Variants in PPP1R1C observed in about 807,000 individuals in gnomAD.
PPP1R1C encodes protein phosphatase 1 regulatory inhibitor subunit 1C, also known as protein phosphatase 1 regulatory subunit 1C.
A neutral mutation model predicts 17.4 loss-of-function variants in PPP1R1C; 15 were observed. The observed-to-expected ratio is 0.86, with a 90% confidence interval of 0.58 to 1.33. The LOEUF is 1.33. PPP1R1C is among the 40% of genes most tolerant of loss of function. The pLI, the probability that PPP1R1C is intolerant of heterozygous loss-of-function variation, is 0.00. For missense variants in PPP1R1C, 143 were observed against 130.0 expected (o/e 1.10, Z -0.48); for synonymous variants, 35 against 43.1 (o/e 0.81, Z 0.73).
At chr2:181,966,188 G>A (rs1684900750) in intron 1 of PPP1R1C, among the ~76,000 whole-genome samples, 1 of 152,108 alleles carries the variant, frequency 6.6e-6, no homozygotes, top group African/African-American at 2.4e-5. Flanking sequence ...TTGTTTATGA[G>A]TTCTAATAGG....
rs944064521 is a variant in PPP1R1C, at chr2:181,976,096, A to T, written n.157+832A>T. Among the ~76,000 whole-genome samples, 1 of 152,136 alleles carries T rather than the reference A, an allele frequency of 6.6e-6. No individual in the cohort carries two copies. The highest frequency in any genetic ancestry group is 1.5e-5 in the Non-Finnish European group (1 of 67,972). On this transcript the variant is annotated intron_variant and non_coding_transcript_variant, in intron 2 of 5. Coordinates refer to the PPP1R1C transcript ENST00000464264. The surrounding 1 kb of genome is among the most constrained non-coding windows in gnomAD (Gnocchi z 4.8). ...CTCATTGTATAACATAGAAAATCAT[A>T]AAGAGAAAATATATAACCTATAAAC...
Position 182,013,293 on chromosome 2 carries a change from C to T in PPP1R1C, c.142+25394C>T, listed in dbSNP as rs185823637. On this transcript the variant is annotated intron_variant, in intron 2 of 4. Transcript: ENST00000682840. ...CATGATTGAAGGATTTTTCACTGTA[C>T]ATACTATTCTAGGGTAAAAGTTTGC... Among the ~76,000 whole-genome samples, 239 of 152,198 alleles carry T rather than the reference C, an allele frequency of 1.6e-3. 1 individual carries two copies. The highest frequency in any genetic ancestry group is 5.6e-3 in the African/African-American group (232 of 41,546).
chr2:181,982,242 C>T (rs1039619821), upstream of PPP1R1C, among the ~76,000 whole-genome samples: 1 of 152,066 alleles, frequency 6.6e-6, no homozygotes, highest in African/African-American at 2.4e-5. Flanking sequence ...AGAAAAATAA[C>T]TCTAAAAACA....
intron 2 of PPP1R1C, among the ~76,000 whole-genome samples, chr2:182,012,881 G>A (rs143186862): frequency 1.4e-4 from 21 of 152,082 alleles, no homozygotes; most frequent in Non-Finnish European, 2.2e-4. Flanking sequence ...TAAGAAACAG[G>A]CAAAGAGAAA....
chr2:182,048,163 C>T (rs1257482289), intron 2 of PPP1R1C, among the ~76,000 whole-genome samples: 1 of 152,124 alleles, frequency 6.6e-6, no homozygotes, highest in Admixed American at 6.6e-5. Flanking sequence ...CTATTCTTAC[C>T]ATTTTCTTCT....
At chr2:182,077,776 A>G (rs1688357013) in intron 4 of PPP1R1C, among the ~76,000 whole-genome samples, 1 of 152,196 alleles carries the variant, frequency 6.6e-6, no homozygotes, top group African/African-American at 2.4e-5. Context: ...GAAGCACTTC[A>G]CACTCAGTGC....
At chr2:182,122,067 T>A (rs369116297), downstream of PPP1R1C, among the ~76,000 whole-genome samples, 1 of 152,202 alleles carries the variant, frequency 6.6e-6, no homozygotes, top group East Asian at 1.9e-4. Flanking sequence ...GTCAGGTGAA[T>A]AAGTTAGGGG....
At chr2:182,123,568 C>T (rs927361545) in intron 5 of PPP1R1C, among the ~76,000 whole-genome samples, 2 of 152,212 alleles carry the variant, frequency 1.3e-5, no homozygotes, top group African/African-American at 4.8e-5. Flanking sequence ...GATGTTATCT[C>T]ATGGTGGTTT....
chr2:182,117,236 T>A lies in PPP1R1C; in HGVS notation c.271T>A (p.Ser91Thr). ...TAAGCATCTGAAAGGCCAGAATGAA[T>A]CAGCATTCCCTGAAGAAGAAGAAGG... ...GVKHLKGQNESAFPEEEEGTN... is the reference protein window; with the variant it reads ...GVKHLKGQNETAFPEEEEGTN... Residue 91 changes from serine to threonine, a missense_variant, in exon 5 of 5, where the codon TCA (serine) becomes ACA (threonine). Physicochemically the swap from Ser to Thr is moderately conservative, Grantham distance 58. Coordinates refer to ENST00000682840, the MANE Select transcript of PPP1R1C (RefSeq NM_001080545.3). 1 of 1,561,462 alleles carries A rather than the reference T, an allele frequency of 6.4e-7. No homozygotes were observed. Among genetic ancestry groups the A allele is most frequent in the Non-Finnish European group, 8.7e-7 (1 of 1,152,370 alleles).
chr2:181,988,738 C>A (rs991305041), intron 2 of PPP1R1C, among the ~76,000 whole-genome samples: 2 of 152,074 alleles, frequency 1.3e-5, no homozygotes, highest in Non-Finnish European at 2.9e-5. Flanking sequence ...AGCGAGTGAT[C>A]TAAGAATACC....
chr2:182,034,495 G>A lies in PPP1R1C; in HGVS notation c.143-26947G>A, dbSNP rs540084353. 2.6e-5 allele frequency among the ~76,000 whole-genome samples: 4 copies of A among 152,192 alleles called. No homozygotes were observed. The East Asian group carries it at 7.7e-4, about 29-fold the overall frequency. On this transcript the variant is annotated intron_variant, in intron 2 of 4. Transcript: ENST00000682840. The stretch of plus-strand genomic sequence containing the variant: ...GAACAAAAAGAAGGTCATTGAGGCT[G>A]GAGAGCAGAGAGGTGGCAGAAAAAG...
chr2:181,980,613 A>G (rs1473699100), intron 2 of PPP1R1C, among the ~76,000 whole-genome samples: 1 of 152,178 alleles, frequency 6.6e-6, no homozygotes, highest in Non-Finnish European at 1.5e-5. Context: ...ATGTCAACTC[A>G]CTGCTATAGC....
At chr2:181,978,846 T>C (rs1685143684) in intron 2 of PPP1R1C, among the ~76,000 whole-genome samples, 1 of 152,084 alleles carries the variant, frequency 6.6e-6, no homozygotes, top group South Asian at 2.1e-4. Context: ...AGAGAGATTG[T>C]TTCTTCCATT....
intron 2 of PPP1R1C, among the ~76,000 whole-genome samples, chr2:182,041,945 C>T (rs1011204939): frequency 2.6e-5 from 4 of 152,018 alleles, no homozygotes; most frequent in African/African-American, 9.7e-5. Context: ...GTGGTTATTT[C>T]GTATATGTGT....
At chr2:181,980,578 A>C (rs1685174021) in intron 2 of PPP1R1C, among the ~76,000 whole-genome samples, 1 of 152,172 alleles carries the variant, frequency 6.6e-6, no homozygotes, top group African/African-American at 2.4e-5. Context: ...TCGGCTCTAC[A>C]AATCTCTGTA....
At chr2:182,016,921 TG>T (rs1226720749) in intron 2 of PPP1R1C, among the ~76,000 whole-genome samples, 4 of 152,218 alleles carry the variant, frequency 2.6e-5, no homozygotes, top group Admixed American at 6.5e-5. Flanking sequence ...CTAATTTGTG[TG>T]ATTCATAGCC....
At chr2:182,104,916 T>C (rs763621946) in intron 4 of PPP1R1C, among the ~76,000 whole-genome samples, 1 of 152,238 alleles carries the variant, frequency 6.6e-6, no homozygotes, top group Non-Finnish European at 1.5e-5. Flanking sequence ...AGACTTTTTA[T>C]TACTGACTCA....
rs577557778 is a variant in PPP1R1C at position 182,128,685 on chromosome 2, G to A, written c.*7-289G>A. On this transcript the variant is annotated intron_variant, in intron 5 of 5. Transcript: ENST00000280295. ...GTATGTATGTAATAAAATGAGCATT[G>A]TAACCAGTTGATTTTTGTCTTTTAA... 6.6e-5 allele frequency among the ~76,000 whole-genome samples: 10 copies of A among 152,236 alleles called. No individual in the cohort carries two copies. In the East Asian group the frequency reaches 1.9e-3, roughly 29 times the overall value.
intron 2 of PPP1R1C, among the ~76,000 whole-genome samples, chr2:182,021,335 T>C (rs1686420432): frequency 1.4e-5 from 2 of 144,982 alleles, no homozygotes; most frequent in African/African-American, 2.6e-5. Context: ...TTTTTTTTTT[T>C]TTTTTTTTTT....
Sources: gnomAD v4.1 joint callset for allele counts (sites outside exome capture counted in the v4.1 genomes callset) on GRCh38, gnomAD v4.1.1 for gene constraint, Gnocchi (gnomAD v3.1) non-coding constraint, MANE v1.5 for transcripts, NCBI Gene and HGNC (gene_info 2026-07-23, HGNC 2026-07-21) for gene names.